ITPKC: variants seen among roughly 807,000 people sequenced by gnomAD.
ITPKC encodes inositol-trisphosphate 3-kinase C.
Under a neutral mutation model 67.1 loss-of-function variants are expected in ITPKC, and 33 were observed. The observed-to-expected ratio is 0.49, with a 90% CI of 0.37 to 0.66. The LOEUF is 0.66. Ranked by LOEUF, ITPKC falls within the 30% of genes least tolerant of loss-of-function variation. The probability of loss-of-function intolerance (pLI) is 0.00; values close to 1 mark genes in which losing one functional copy is unlikely to be tolerated. For missense variants in ITPKC, 820 were observed against 892.1 expected (o/e 0.92, Z 1.03); for synonymous variants, 341 against 359.8 (o/e 0.95, Z 0.59).
intron 1 of ITPKC, among the ~76,000 whole-genome samples, chr19:40,721,315 C>T (rs1677961511): frequency 6.6e-6 from 1 of 151,228 alleles, no homozygotes; most frequent in South Asian, 2.1e-4. Flanking sequence ...AAGCTGAGAC[C>T]ATTGTGAAAA....
At chr19:40,723,958 A>G (rs2082234336) in intron 1 of ITPKC, among the ~76,000 whole-genome samples, 1 of 152,212 alleles carries the variant, frequency 6.6e-6, no homozygotes, top group African/African-American at 2.4e-5. Context: ...TGGTGGGTCA[A>G]GGGCTCTGCT....
At chr19:40,720,613 G>T (rs954386813) in intron 1 of ITPKC, among the ~76,000 whole-genome samples, 1 of 151,902 alleles carries the variant, frequency 6.6e-6, no homozygotes, top group Non-Finnish European at 1.5e-5. Flanking sequence ...AGCTTTGTCT[G>T]CTCAGGTGCC....
In ITPKC at chr19:40,739,571, C is replaced by T; in HGVS notation, c.*11C>T. 6.2e-7 allele frequency: 1 copy of T among 1,608,760 alleles called. No homozygotes were observed. Among genetic ancestry groups the T allele is most frequent in the East Asian group, 2.2e-5 (1 of 44,712 alleles). Reference sequence around the variant, plus strand: ...CTGGCACAGAGCTGAGCTGCTCAGCCACCATCAGGTTAATTGGATGGCGCC... The same window carrying T: ...CTGGCACAGAGCTGAGCTGCTCAGCTACCATCAGGTTAATTGGATGGCGCC... On this transcript the variant is annotated 3_prime_UTR_variant, in exon 7 of 7. Coordinates refer to ENST00000263370, the MANE Select transcript of ITPKC (RefSeq NM_025194.3).
intron 1 of ITPKC, among the ~76,000 whole-genome samples, chr19:40,722,715 T>C (rs974245849): frequency 6.6e-6 from 1 of 152,196 alleles, no homozygotes; most frequent in Non-Finnish European, 1.5e-5. Context: ...AAAAAGCTCA[T>C]AGTTTAGTCG....
chr19:40,739,183 G>T (rs529727470), intron 6 of ITPKC, among the ~76,000 whole-genome samples, 174 bp from the exon 7 acceptor site: 1 of 152,336 alleles, frequency 6.6e-6, no homozygotes, highest in South Asian at 2.1e-4. Flanking sequence ...GAACCACAGA[G>T]AGGTTAAGAC....
At chr19:40,738,671 C>T (rs1178632431) in intron 6 of ITPKC, among the ~76,000 whole-genome samples, 3 of 152,156 alleles carry the variant, frequency 2.0e-5, no homozygotes, top group East Asian at 1.9e-4. Context: ...TTGATTATGC[C>T]TCACACTGAA....
Position 40,739,576 on chromosome 19 carries a change from T to G in ITPKC, c.*16T>G, listed in dbSNP as rs751734658. On this transcript the variant is annotated 3_prime_UTR_variant, in exon 7 of 7. Transcript: ENST00000263370. ...ACAGAGCTGAGCTGCTCAGCCACCA[T>G]CAGGTTAATTGGATGGCGCCAGTCT... The G allele has an allele frequency of 6.2e-7, 1 of 1,606,218 alleles. No individual in the cohort carries two copies. Among genetic ancestry groups the G allele is most frequent in the Non-Finnish European group, 8.5e-7 (1 of 1,175,720 alleles).
Position 40,733,193 on chromosome 19 carries a change from G to A in ITPKC, c.1503G>A (p.Arg501=). ...TYLEEELVKA[R]ERPRPRKDMY... is the part of the protein sequence containing the mutation. ...TGGAAGAGGAGCTAGTGAAGGCACG[G>A]GAACGTCCCCGTCCCCGGAAGGACA... The change falls in exon 4 of 7, where the codon CGG becomes CGA. Residue 501 remains arginine, a synonymous_variant. Transcript: ENST00000263370. 6.2e-7 allele frequency: 1 copy of A among 1,614,218 alleles called. No homozygotes were observed. Among genetic ancestry groups the A allele is most frequent in the Non-Finnish European group, 8.5e-7 (1 of 1,180,034 alleles).
chr19:40,730,632 AC>A (rs1599652763), intron 3 of ITPKC, among the ~76,000 whole-genome samples: 2 of 151,956 alleles, frequency 1.3e-5, no homozygotes, highest in East Asian at 3.9e-4. Flanking sequence ...GTCTCCCTGT[AC>A]TGCCCAGGCT....
At chr19:40,738,388 C>T (rs987357672) in intron 6 of ITPKC, among the ~76,000 whole-genome samples, 8 of 152,160 alleles carry the variant, frequency 5.3e-5, no homozygotes, top group South Asian at 4.2e-4. Context: ...GAGATTGTGC[C>T]GCTGCACTCC....
chr19:40,734,262 C>CT (rs1285860534), intron 4 of ITPKC, among the ~76,000 whole-genome samples: 1 of 152,158 alleles, frequency 6.6e-6, no homozygotes, highest in Admixed American at 6.6e-5. Context: ...GCCTGGTCCC[C>CT]TATAGACAGA....
chr19:40,729,538 G>A, intron 3 of ITPKC, 123 bp downstream of exon 3: 2 of 811,106 alleles, frequency 2.5e-6, no homozygotes, highest in Non-Finnish European at 3.9e-6. Flanking sequence ...GGCCGAGGCT[G>A]GTGGATCACC....
At position 40,733,296 on chromosome 19, in the gene ITPKC, C is replaced by T. The variant is rs770860069; in HGVS notation, c.1606C>T (p.Arg536Cys). 1.3e-5 allele frequency: 21 copies of T among 1,613,978 alleles called. No homozygotes were observed. The highest frequency in any genetic ancestry group is 3.3e-5 in the Admixed American group (2 of 59,990). The change falls in exon 4 of 7, where the codon CGC becomes TGC. Residue 536 changes from arginine to cysteine, a missense_variant. Arg to Cys is a radical substitution (Grantham distance 180). This residue lies in a region of ITPKC where 339 missense variants were observed against 422.0 expected (regional missense o/e 0.80). Coordinates refer to ENST00000263370, the MANE Select transcript of ITPKC (RefSeq NM_025194.3). ...TGCCCAGGGTGCAGTCACCAAGCCC[C>T]GCTACATGCAGTGGAGGGAAACCAT... ...EHAQGAVTKP[R>C]YMQWRETMSS...
At chr19:40,729,069 T>G in intron 2 of ITPKC, 133 bp from the exon 3 acceptor site, 2 of 647,448 alleles carry the variant, frequency 3.1e-6, no homozygotes, top group Admixed American at 2.9e-5. Context: ...AAAAAAAAGT[T>G]GCAGGGAGAG....
chr19:40,725,278 C>G, intron 1 of ITPKC, 62 bp from the exon 2 acceptor site: 10 of 1,039,962 alleles, frequency 9.6e-6, no homozygotes, highest in Non-Finnish European at 1.5e-5. Flanking sequence ...CTCATGGCAG[C>G]ACCTCTAGCC....
rs747306506 is a variant in ITPKC, at chr19:40,739,351, C to T, written c.1849-6C>T. On this transcript the variant is annotated splice_polypyrimidine_tract_variant and splice_region_variant and intron_variant, in intron 6 of 6. Coordinates refer to ENST00000263370, the MANE Select transcript of ITPKC (RefSeq NM_025194.3). The stretch of plus-strand genomic sequence containing the variant: ...CTCCCTTAACCTCCCGTCTCTACCC[C>T]GGCAGGTGGTAGGCAGCTCCCTCCT... 1.7e-5 allele frequency: 28 copies of T among 1,612,668 alleles called. No homozygotes were observed. The East Asian group carries it at 2.0e-4, about 12-fold the overall frequency.
rs544981157 is a variant in ITPKC at position 40,729,980 on chromosome 19, G to A, written c.1469+565G>A. Among the ~76,000 whole-genome samples the A allele has an allele frequency of 1.2e-4, 19 of 152,054 alleles. No homozygotes were observed. In the South Asian group the frequency reaches 2.9e-3, roughly 23 times the overall value. On this transcript the variant is annotated intron_variant, in intron 3 of 6. Transcript: ENST00000263370. ...CTTTGAGACAGAGTCTTACTCTATC[G>A]CCCAGGCTGGAGTGCAGTGGCACGA...
At chr19:40,719,180 C>T (rs1437211186) in intron 1 of ITPKC, among the ~76,000 whole-genome samples, 1 of 152,134 alleles carries the variant, frequency 6.6e-6, no homozygotes, top group Non-Finnish European at 1.5e-5. Flanking sequence ...CCCTGAGCCC[C>T]GCTTCACCCC....
At position 40,739,334 on chromosome 19, in the gene ITPKC, A is replaced by G. The variant is rs368892894; in HGVS notation, c.1849-23A>G. 62 of 1,603,198 alleles carry G rather than the reference A, an allele frequency of 3.9e-5. No homozygotes were observed. The African/African-American group carries it at 7.9e-4, about 20-fold the overall frequency. ...TTGGCCAGTGCCTGCTCCTCCCTTA[A>G]CCTCCCGTCTCTACCCCGGCAGGTG... On this transcript the variant is annotated intron_variant, in intron 6 of 6. Transcript: ENST00000263370.
Sources: allele counts gnomAD v4.1 joint callset (sites outside exome capture counted in the v4.1 genomes callset), GRCh38; gene constraint gnomAD v4.1.1; regional missense constraint gnomAD v4.1.1; transcripts MANE v1.5; gene names NCBI Gene and HGNC (gene_info 2026-07-23, HGNC 2026-07-21).